DTL: variants seen among roughly 807,000 people sequenced by gnomAD.
The protein encoded by DTL is denticleless E3 ubiquitin protein ligase adapter.
A neutral mutation model predicts 87.0 loss-of-function variants in DTL; 46 were observed. The ratio of observed to expected loss-of-function variants is 0.53; its 90% CI spans 0.42 to 0.68. DTL has a LOEUF of 0.68. Among genes scored for constraint, DTL ranks in the 30% least tolerant of loss-of-function variants. The pLI is 0.00. For synonymous variants in DTL, 308 were observed against 311.2 expected (o/e 0.99, Z 0.11); for missense variants, 737 against 869.4 (o/e 0.85, Z 1.91).
intron 13 of DTL, among the ~76,000 whole-genome samples, chr1:212,083,044 G>A (rs529221070): frequency 1.3e-4 from 20 of 152,264 alleles, no homozygotes; most frequent in African/African-American, 4.8e-4. Flanking sequence ...ACCTTGGTAA[G>A]GAGGCATATT....
In DTL at chr1:212,097,381, G is replaced by A. The variant is rs1330255839; in HGVS notation, c.1262-2871G>A. ...GGTGTTCTTTGAGCTTCTTGTATTTGGATGTCTAGATCTCGAGCAAGGCCA... is the reference window on the plus strand; with the variant it reads ...GGTGTTCTTTGAGCTTCTTGTATTTAGATGTCTAGATCTCGAGCAAGGCCA... On this transcript the variant is annotated intron_variant, in intron 13 of 14. Coordinates refer to ENST00000366991, the MANE Select transcript of DTL (RefSeq NM_016448.4). Among the ~76,000 whole-genome samples, 4 of 152,060 alleles carry A rather than the reference G, an allele frequency of 2.6e-5. No homozygotes were observed. In the East Asian group the frequency reaches 7.7e-4, roughly 29 times the overall value.
chr1:212,064,146 C>G (rs1654420626), intron 6 of DTL, among the ~76,000 whole-genome samples: 1 of 151,972 alleles, frequency 6.6e-6, no homozygotes, highest in African/African-American at 2.4e-5. Flanking sequence ...CCTGCCTCAG[C>G]CTCCCATTCT....
At chr1:212,102,077 A>G (rs573323227) in intron 14 of DTL, among the ~76,000 whole-genome samples, 1 of 152,328 alleles carries the variant, frequency 6.6e-6, no homozygotes, top group African/African-American at 2.4e-5. Flanking sequence ...GGCCAGTTTT[A>G]GTTTAAAAAG....
chr1:212,063,759 A>G (rs1654407392), intron 6 of DTL, among the ~76,000 whole-genome samples: 1 of 152,230 alleles, frequency 6.6e-6, no homozygotes, highest in African/African-American at 2.4e-5. Flanking sequence ...TTTCAGGGGT[A>G]TATGTGATAT....
At chr1:212,058,513 C>G (rs1668246849) in intron 5 of DTL, among the ~76,000 whole-genome samples, 1 of 151,742 alleles carries the variant, frequency 6.6e-6, no homozygotes, top group Admixed American at 6.6e-5. Context: ...AAAATTGAAA[C>G]CCAACATACC....
Position 212,047,144 on chromosome 1 carries a change from T to C in DTL, c.278-7T>C, listed in dbSNP as rs79016895. The C allele has an allele frequency of 1.9e-3, 2,992 of 1,613,734 alleles. 58 individuals are homozygous for C. In the African/African-American group the frequency reaches 0.033, roughly 18 times the overall value. ...GACATTTCACATTTACCATTTTCTT[T>C]GTTTAGAATGGATGGCTCACTGGAA... On this transcript the variant is annotated splice_polypyrimidine_tract_variant and splice_region_variant and intron_variant, in intron 3 of 14. Coordinates refer to ENST00000366991, the MANE Select transcript of DTL (RefSeq NM_016448.4).
intron 7 of DTL, among the ~76,000 whole-genome samples, chr1:212,066,007 A>G (rs1371800020): frequency 6.6e-6 from 1 of 152,218 alleles, no homozygotes; most frequent in African/African-American, 2.4e-5. Context: ...ATTTTTAAGC[A>G]TTTGACAAAA....
chr1:212,081,428 T>C (rs1487045432), intron 13 of DTL, among the ~76,000 whole-genome samples: 1 of 152,234 alleles, frequency 6.6e-6, no homozygotes, highest in African/African-American at 2.4e-5. Context: ...GAAAATGAAA[T>C]TCTGTGAGAC....
At chr1:212,091,869 A>C (rs1558089872) in intron 13 of DTL, among the ~76,000 whole-genome samples, 1 of 152,258 alleles carries the variant, frequency 6.6e-6, no homozygotes, top group African/African-American at 2.4e-5. Context: ...CAATGTATGC[A>C]TGTATCAAAA....
chr1:212,059,424 A>G (rs1411364811), intron 5 of DTL, among the ~76,000 whole-genome samples: 1 of 152,208 alleles, frequency 6.6e-6, no homozygotes, highest in Non-Finnish European at 1.5e-5. Flanking sequence ...CAAAAACCAT[A>G]TGATCATTTT....
chr1:212,062,967 T>A lies in DTL; in HGVS notation c.526+18T>A. 6.3e-7 allele frequency: 1 copy of A among 1,591,826 alleles called. No individual in the cohort carries two copies. Among genetic ancestry groups the A allele is most frequent in the Non-Finnish European group, 8.6e-7 (1 of 1,159,786 alleles). ...CAAAAAAGGTTATCTAGATCTATTT[T>A]AATTTTGAGAGATTTGGGATTACCC... On this transcript the variant is annotated intron_variant, in intron 6 of 14. Coordinates refer to ENST00000366991, the MANE Select transcript of DTL (RefSeq NM_016448.4).
In DTL at chr1:212,088,946, C is replaced by T. The variant is rs148389054; in HGVS notation, c.1261+8196C>T. Among the ~76,000 whole-genome samples the T allele has an allele frequency of 1.6e-4, 24 of 152,274 alleles. No individual in the cohort carries two copies. The East Asian group carries it at 4.3e-3, about 27-fold the overall frequency. ...TACTAAAAATACAAAATTAGCTAGG[C>T]ATGGTGGCACACGCCTGTAATCCCA... is the stretch of plus-strand genomic sequence containing the variant. On this transcript the variant is annotated intron_variant, in intron 13 of 14. Transcript: ENST00000366991.
Position 212,062,863 on chromosome 1 carries a change from AATC to A in DTL, c.461-20_461-18del, listed in dbSNP as rs764296218. On this transcript the variant is annotated intron_variant, in intron 5 of 14. Transcript: ENST00000366991. Reference sequence around the variant, plus strand: ...TGACTGGTTTTGTTAACCTCTTAATAATCTGTTTATTTCCCCACAGCTGTATTC... The same window carrying A: ...TGACTGGTTTTGTTAACCTCTTAATATGTTTATTTCCCCACAGCTGTATTC... The A allele has an allele frequency of 3.1e-6, 5 of 1,605,472 alleles. No homozygotes were observed. In the African/African-American group the frequency reaches 6.7e-5, roughly 21 times the overall value.
Position 212,080,610 on chromosome 1 carries a change from C to G in DTL, c.1126-5C>G. 1.2e-6 allele frequency: 2 copies of G among 1,609,334 alleles called. No homozygotes were observed. The highest frequency in any genetic ancestry group is 1.7e-6 in the Non-Finnish European group (2 of 1,178,276). On this transcript the variant is annotated splice_region_variant and splice_polypyrimidine_tract_variant and intron_variant, in intron 12 of 14. Coordinates refer to ENST00000366991, the MANE Select transcript of DTL (RefSeq NM_016448.4). The stretch of plus-strand genomic sequence containing the variant: ...CTTAATTCCCTTCTTGGTACTCCCT[C>G]TTAGATTGCTACCTGTTCTGATGAC...
intron 13 of DTL, among the ~76,000 whole-genome samples, chr1:212,089,170 A>G (rs559841233): frequency 6.6e-6 from 1 of 152,340 alleles, no homozygotes; most frequent in East Asian, 1.9e-4. Flanking sequence ...ATTTAGGGCA[A>G]TAACTCAGTC....
Position 212,088,563 on chromosome 1 carries a change from T to C in DTL, c.1261+7813T>C, listed in dbSNP as rs373998766. On this transcript the variant is annotated intron_variant, in intron 13 of 14. Transcript: ENST00000366991. The stretch of plus-strand genomic sequence containing the variant: ...CTGTGGGAGAAGAGGAAAGAAGTTG[T>C]GAATTCTTCACAGTGGAGTTAACAT... Among the ~76,000 whole-genome samples, 11 of 152,322 alleles carry C rather than the reference T, an allele frequency of 7.2e-5. No homozygotes were observed. In the East Asian group the frequency reaches 9.7e-4, roughly 13 times the overall value.
intron 13 of DTL, among the ~76,000 whole-genome samples, chr1:212,094,640 C>T (rs914201853): frequency 6.6e-6 from 1 of 152,028 alleles, no homozygotes; most frequent in South Asian, 2.1e-4. Context: ...CTGTGAAGAA[C>T]GATGATGGTA....
intron 13 of DTL, among the ~76,000 whole-genome samples, chr1:212,097,290 A>G (rs2102585432): frequency 6.6e-6 from 1 of 152,130 alleles, no homozygotes; most frequent in South Asian, 2.1e-4. Context: ...TTTTTCCTTC[A>G]TCTTGACTTT....
At chr1:212,095,433 C>A (rs1466717278) in intron 13 of DTL, among the ~76,000 whole-genome samples, 1 of 152,154 alleles carries the variant, frequency 6.6e-6, no homozygotes, top group African/African-American at 2.4e-5. Context: ...CAGCTCACTG[C>A]AACCTCCACC....
Sources: gnomAD v4.1 joint callset for allele counts (sites outside exome capture counted in the v4.1 genomes callset) on GRCh38, gnomAD v4.1.1 for gene constraint, MANE v1.5 for transcripts, NCBI Gene and HGNC (gene_info 2026-07-23, HGNC 2026-07-21) for gene names.